Variants in TRAK1 observed in about 807,000 individuals in gnomAD.
TRAK1 encodes the protein trafficking kinesin protein 1, also known as trafficking kinesin-binding protein 1.
TRAK1 carries 33 observed loss-of-function variants against 92.1 expected under a neutral mutation model. That is an observed-to-expected ratio of 0.36 (90% confidence interval 0.27 to 0.48). The LOEUF (loss-of-function observed/expected upper bound fraction) is 0.48, where lower values mean the gene tolerates loss of function less well. Ranked by LOEUF, TRAK1 falls within the 20% of genes least tolerant of loss-of-function variation. The pLI is 0.99. For missense variants in TRAK1, 1,123 were observed against 1,257.9 expected (o/e 0.89, Z 1.62); for synonymous variants, 521 against 517.3 (o/e 1.01, Z -0.10).
At position 42,065,238 on chromosome 3, in the gene TRAK1, C is replaced by T. The variant is rs576954751; in HGVS notation, c.-518-21866C>T. On this transcript the variant is annotated intron_variant, in intron 1 of 16. Transcript: ENST00000487159. ...CCGCACTCCATCCTGGGCCACAGAGCGAGACTCCCATCTCAAATAAATAAA... is the reference window on the plus strand; with the variant it reads ...CCGCACTCCATCCTGGGCCACAGAGTGAGACTCCCATCTCAAATAAATAAA... Among the ~76,000 whole-genome samples, 15 of 152,120 alleles carry T rather than the reference C, an allele frequency of 9.9e-5. No individual in the cohort carries two copies. The East Asian group carries it at 2.5e-3, about 25-fold the overall frequency.
rs3836498 is a variant in TRAK1 at position 42,223,778 on chromosome 3, TCTC to T, written c.*45_*47del. ...CGGTTGCCCTAGAGGAGACCCACGT[TCTC>T]CTCTCTTGCTCCCACCTCCCTCTCT... On this transcript the variant is annotated 3_prime_UTR_variant, in exon 16 of 16. Transcript: ENST00000327628. The surrounding 1 kb of genome is among the most constrained non-coding windows in gnomAD (Gnocchi z 6.1). 0.32 allele frequency: 500,932 copies of T among 1,557,838 alleles called. 84,238 individuals are homozygous for T. The highest frequency in any genetic ancestry group is 0.34 in the Non-Finnish European group (390,593 of 1,146,692).
At chr3:42,150,923 C>G (rs1458447033) in intron 2 of TRAK1, among the ~76,000 whole-genome samples, 1 of 152,162 alleles carries the variant, frequency 6.6e-6, no homozygotes, top group Non-Finnish European at 1.5e-5. Context: ...ATTCTAAAAG[C>G]AAGTTCCCAT....
chr3:42,206,334 A>C (rs943454516), intron 13 of TRAK1, among the ~76,000 whole-genome samples: 1 of 152,194 alleles, frequency 6.6e-6, no homozygotes, highest in Non-Finnish European at 1.5e-5. Context: ...ACATAACTGA[A>C]ATAGCACAGT....
chr3:42,196,892 A>G (rs1706737237), intron 10 of TRAK1, among the ~76,000 whole-genome samples: 1 of 151,550 alleles, frequency 6.6e-6, no homozygotes, highest in South Asian at 2.1e-4. Flanking sequence ...AACACCACAG[A>G]TGCTGATCTC....
chr3:42,207,122 C>T (rs1577014869), intron 13 of TRAK1, among the ~76,000 whole-genome samples: 1 of 152,154 alleles, frequency 6.6e-6, no homozygotes, highest in Non-Finnish European at 1.5e-5. Flanking sequence ...GGTGACGTGG[C>T]CATATTGTAC....
chr3:42,188,854 G>A (rs1035767379), intron 5 of TRAK1, among the ~76,000 whole-genome samples, 162 bp from the exon 6 acceptor site: 1 of 152,162 alleles, frequency 6.6e-6, no homozygotes, highest in Non-Finnish European at 1.5e-5. Flanking sequence ...TTCAGAATTG[G>A]TGGTGAGCCT....
At chr3:42,204,446 C>T (rs2149484716) in intron 13 of TRAK1, among the ~76,000 whole-genome samples, 1 of 152,338 alleles carries the variant, frequency 6.6e-6, no homozygotes, top group South Asian at 2.1e-4. Context: ...TGAATTTCAT[C>T]TATAGTGCTC....
chr3:42,049,521 TTATTTC>T (rs1200429437), intron 1 of TRAK1, among the ~76,000 whole-genome samples: 9 of 152,074 alleles, frequency 5.9e-5, no homozygotes, highest in Non-Finnish European at 1.2e-4. Context: ...TTTATATTCT[TTATTTC>T]TAGGAAGGTT....
At chr3:42,159,322 T>C (rs1700971135) in intron 2 of TRAK1, among the ~76,000 whole-genome samples, 1 of 152,100 alleles carries the variant, frequency 6.6e-6, no homozygotes, top group Non-Finnish European at 1.5e-5. Context: ...GCAGGAGACC[T>C]GCACAGTGTA....
intron 10 of TRAK1, among the ~76,000 whole-genome samples, chr3:42,197,028 A>ACACG (rs1706806794): frequency 6.8e-6 from 1 of 147,200 alleles, no homozygotes; most frequent in Admixed American, 6.7e-5. Flanking sequence ...ACACACACAC[A>ACACG]CACACACACA....
chr3:42,118,005 A>G (rs1709382909), intron 1 of TRAK1, among the ~76,000 whole-genome samples: 1 of 151,600 alleles, frequency 6.6e-6, no homozygotes, highest in Non-Finnish European at 1.5e-5. Context: ...TTTTTAGTAG[A>G]GACGGGGTTT....
At chr3:42,119,552 A>G (rs1398763952) in intron 1 of TRAK1, among the ~76,000 whole-genome samples, 1 of 152,198 alleles carries the variant, frequency 6.6e-6, no homozygotes, top group South Asian at 2.1e-4. Flanking sequence ...TTTACTTTTA[A>G]AAGTTCAAGT....
chr3:42,137,079 A>G (rs1362227987), intron 2 of TRAK1, among the ~76,000 whole-genome samples: 1 of 118,544 alleles, frequency 8.4e-6, no homozygotes, highest in African/African-American at 3.2e-5. Context: ...TTTTTGTGAG[A>G]TTTTTTTCTA....
At chr3:42,148,797 G>C (rs1468158345) in intron 2 of TRAK1, among the ~76,000 whole-genome samples, 1 of 152,144 alleles carries the variant, frequency 6.6e-6, no homozygotes, top group Admixed American at 6.5e-5. Flanking sequence ...TCCTTTAAGT[G>C]GTGGTCAAAA....
At chr3:42,072,506 C>G (rs1703978058) in intron 1 of TRAK1, among the ~76,000 whole-genome samples, 2 of 151,634 alleles carry the variant, frequency 1.3e-5, no homozygotes, top group South Asian at 4.2e-4. Context: ...CTGCTGCCAT[C>G]AGCCAGGGAG....
chr3:42,185,673 C>CTTTTTTTTTTTTT (rs11376284), intron 4 of TRAK1, among the ~76,000 whole-genome samples: 1 of 136,620 alleles, frequency 7.3e-6, no homozygotes. Context: ...TTATTCCTTT[C>CTTTTTTTTTTTTT]TTTTTTTTTT....
At chr3:42,192,147 C>T (rs1459201986) in intron 7 of TRAK1, among the ~76,000 whole-genome samples, 1 of 152,102 alleles carries the variant, frequency 6.6e-6, no homozygotes, top group African/African-American at 2.4e-5. Flanking sequence ...GGTGATCCAC[C>T]TGCCTTGGCC....
intron 1 of TRAK1, among the ~76,000 whole-genome samples, chr3:42,074,594 T>C (rs1704068403): frequency 6.6e-6 from 1 of 151,916 alleles, no homozygotes; most frequent in Admixed American, 6.6e-5. Context: ...GTTCCTCAGA[T>C]AGAAACAAAA....
chr3:42,135,698 G>C (rs1697870038), intron 2 of TRAK1, among the ~76,000 whole-genome samples: 1 of 152,228 alleles, frequency 6.6e-6, no homozygotes, highest in Non-Finnish European at 1.5e-5. Flanking sequence ...TTCCTCGTCT[G>C]ACTAGTCATC....
Sources: gnomAD v4.1 joint callset for allele counts (sites outside exome capture counted in the v4.1 genomes callset) on GRCh38, gnomAD v4.1.1 for gene constraint, Gnocchi (gnomAD v3.1) non-coding constraint, MANE v1.5 for transcripts, NCBI Gene and HGNC (gene_info 2026-07-23, HGNC 2026-07-21) for gene names.